The following BMPR1A variants were observed in gnomAD, a reference collection of about 807,000 sequenced individuals.
The protein encoded by BMPR1A is bone morphogenetic protein receptor type-1A.
BMPR1A carries 7 observed loss-of-function variants against 66.0 expected under a neutral mutation model. The observed-to-expected ratio is 0.11, with a 90% CI of 0.06 to 0.20. The LOEUF (loss-of-function observed/expected upper bound fraction) is 0.20. Among genes scored for constraint, BMPR1A ranks in the 10% least tolerant of loss-of-function variants. BMPR1A has a pLI of 1.00. For synonymous variants in BMPR1A, 200 were observed against 229.7 expected (o/e 0.87, Z 1.17); for missense variants, 408 against 669.1 (o/e 0.61, Z 4.31).
intron 1 of BMPR1A, among the ~76,000 whole-genome samples, chr10:86,791,350 C>CTTG (rs1202973712): frequency 6.6e-6 from 1 of 151,814 alleles, no homozygotes; most frequent in African/African-American, 2.4e-5. Context: ...GTAGCTGGGA[C>CTTG]TACAGGCACG....
intron 1 of BMPR1A, among the ~76,000 whole-genome samples, chr10:86,804,946 A>G (rs1331653169): frequency 3.3e-5 from 5 of 152,036 alleles, no homozygotes; most frequent in East Asian, 1.9e-4. Flanking sequence ...TGCTCCCTTT[A>G]AAGGTACCAG....
intron 7 of BMPR1A, among the ~76,000 whole-genome samples, chr10:86,900,539 C>T (rs942600464): frequency 6.6e-6 from 1 of 151,652 alleles, no homozygotes; most frequent in Non-Finnish European, 1.5e-5. Flanking sequence ...AAGAGACAGT[C>T]CCTAATGGAT....
chr10:86,788,282 C>T (rs1841547166), intron 1 of BMPR1A, among the ~76,000 whole-genome samples: 1 of 152,120 alleles, frequency 6.6e-6, no homozygotes, highest in South Asian at 2.1e-4. Context: ...TGGAAATGAA[C>T]TTTTCTATTT....
chr10:86,815,507 C>G (rs1366602937), intron 1 of BMPR1A, among the ~76,000 whole-genome samples: 1 of 152,144 alleles, frequency 6.6e-6, no homozygotes, highest in Non-Finnish European at 1.5e-5. Context: ...AATGTGCCCA[C>G]TGTTCGTTCC....
chr10:86,875,993 T>G lies in BMPR1A; in HGVS notation c.-26T>G. ...CAAGACCAATTATTAAAGGTGACAG[T>G]ACACAGGAAACATTACAATTGAACA... On this transcript the variant is annotated 5_prime_UTR_variant, in exon 3 of 13. Transcript: ENST00000372037. The G allele has an allele frequency of 1.3e-6, 2 of 1,564,312 alleles. No homozygotes were observed. The highest frequency in any genetic ancestry group is 1.8e-6 in the Non-Finnish European group (2 of 1,137,720).
intron 7 of BMPR1A, among the ~76,000 whole-genome samples, chr10:86,902,748 G>A (rs1195054518): frequency 6.6e-6 from 1 of 152,198 alleles, no homozygotes; most frequent in Non-Finnish European, 1.5e-5. Flanking sequence ...CCTGAACAGA[G>A]TTTCGGGTTG....
At chr10:86,912,506 T>C (rs1366791449) in intron 8 of BMPR1A, 122 bp downstream of exon 8, 8 of 1,268,628 alleles carry the variant, frequency 6.3e-6, no homozygotes, top group South Asian at 1.3e-5. Flanking sequence ...TTCTCCTTAT[T>C]TAGAAAGAGG....
intron 1 of BMPR1A, among the ~76,000 whole-genome samples, chr10:86,763,479 AAAAG>A (rs1283169641): frequency 7.2e-5 from 11 of 152,198 alleles, no homozygotes; most frequent in African/African-American, 1.9e-4. Flanking sequence ...TAAAAAAAGA[AAAAG>A]AAAGAAAATA....
rs541299073 is a variant in BMPR1A, at chr10:86,762,195, G to T, written c.-268+5276G>T. ...TCAAATGATATAATTAATTGAGGTT[G>T]TCTTTTCTGTTCTTCACTTTTGTGG... On this transcript the variant is annotated intron_variant, in intron 1 of 12. Transcript: ENST00000372037. 9.9e-5 allele frequency among the ~76,000 whole-genome samples: 15 copies of T among 152,270 alleles called. No individual in the cohort carries two copies. The East Asian group carries it at 1.3e-3, about 14-fold the overall frequency.
chr10:86,767,256 T>C (rs1404635313), intron 1 of BMPR1A, among the ~76,000 whole-genome samples: 1 of 152,272 alleles, frequency 6.6e-6, no homozygotes, highest in African/African-American at 2.4e-5. Flanking sequence ...CAACTTGTTA[T>C]ACGCTCCTTT....
At chr10:86,840,364 T>C (rs891989723) in intron 2 of BMPR1A, among the ~76,000 whole-genome samples, 5 of 152,196 alleles carry the variant, frequency 3.3e-5, no homozygotes, top group African/African-American at 1.2e-4. Context: ...ATTGTTTGAT[T>C]GGTAGAGTTG....
chr10:86,799,217 G>A (rs1841770937), intron 1 of BMPR1A, among the ~76,000 whole-genome samples: 1 of 152,092 alleles, frequency 6.6e-6, no homozygotes, highest in Admixed American at 6.6e-5. Flanking sequence ...CCTATCAAAA[G>A]GCAACCCTAA....
At chr10:86,807,580 G>A (rs548477278) in intron 1 of BMPR1A, among the ~76,000 whole-genome samples, 4 of 151,780 alleles carry the variant, frequency 2.6e-5, no homozygotes, top group African/African-American at 9.7e-5. Context: ...ACAGAGTCTT[G>A]CTATGTTGGC....
intron 2 of BMPR1A, among the ~76,000 whole-genome samples, chr10:86,868,425 A>T (rs897143114): frequency 6.6e-6 from 1 of 152,126 alleles, no homozygotes; most frequent in Non-Finnish European, 1.5e-5. Context: ...GAAGGAATGG[A>T]TGAGTTGCTT....
intron 2 of BMPR1A, among the ~76,000 whole-genome samples, chr10:86,863,910 A>C (rs1307914737): frequency 6.6e-6 from 1 of 152,242 alleles, no homozygotes. Flanking sequence ...TGCATTGTAC[A>C]AGCACCATGG....
intron 3 of BMPR1A, among the ~76,000 whole-genome samples, 163 bp from the exon 4 acceptor site, chr10:86,889,899 G>A (rs763483788): frequency 6.6e-6 from 1 of 152,180 alleles, no homozygotes; most frequent in South Asian, 2.1e-4. Flanking sequence ...GCATAATAAT[G>A]TATGTCTGTT....
At chr10:86,833,546 C>T (rs979671240) in intron 1 of BMPR1A, among the ~76,000 whole-genome samples, 2 of 152,158 alleles carry the variant, frequency 1.3e-5, no homozygotes, top group African/African-American at 2.4e-5. Flanking sequence ...TTTTAAACTT[C>T]GGCAATTGGG....
rs1843123296 is a variant in BMPR1A at position 86,889,948 on chromosome 10, C to G, written c.68-114C>G. The G allele has an allele frequency of 4.5e-6, 5 of 1,106,934 alleles. No individual in the cohort carries two copies. The East Asian group carries it at 1.2e-4, about 27-fold the overall frequency. 68.6% of individuals were successfully genotyped at this position (1,106,934 alleles called of 1,614,324 possible). A position where few individuals can be genotyped will look rare whatever the true frequency, so the allele number is the denominator to read the frequency against. ...AAATTTATATTTCTAAAGAAACATG[C>G]TAGCTACAATTATTGTGATAAGAAA... On this transcript the variant is annotated intron_variant, in intron 3 of 12. Coordinates refer to ENST00000372037, the MANE Select transcript of BMPR1A (RefSeq NM_004329.3).
At chr10:86,764,116 T>C (rs1841125179) in intron 1 of BMPR1A, among the ~76,000 whole-genome samples, 1 of 152,214 alleles carries the variant, frequency 6.6e-6, no homozygotes, top group Non-Finnish European at 1.5e-5. Context: ...GATACTGTTT[T>C]ATGTATATTA....
Sources: gnomAD v4.1 joint callset for allele counts (sites outside exome capture counted in the v4.1 genomes callset) on GRCh38, gnomAD v4.1.1 for gene constraint, MANE v1.5 for transcripts, NCBI Gene and HGNC (gene_info 2026-07-23, HGNC 2026-07-21) for gene names.